The following DENND1B variants were observed in gnomAD, a reference collection of about 807,000 sequenced individuals.
The protein encoded by DENND1B is DENN domain containing 1B.
DENND1B carries 59 observed loss-of-function variants against 90.1 expected under a neutral mutation model. The ratio of observed to expected loss-of-function variants is 0.65; its 90% confidence interval spans 0.53 to 0.81. The LOEUF (loss-of-function observed/expected upper bound fraction) is 0.81. Among genes scored for constraint, DENND1B ranks in the 40% least tolerant of loss-of-function variants. The pLI is 0.00. For synonymous variants in DENND1B, 337 were observed against 324.6 expected, an observed-to-expected ratio of 1.04 and a Z score of -0.41; for missense variants, 862 against 912.6, an observed-to-expected ratio of 0.94 and a Z score of 0.71.
At chr1:197,727,057 T>C (rs1278392178) in intron 2 of DENND1B, among the ~76,000 whole-genome samples, 1 of 152,200 alleles carries the variant, frequency 6.6e-6, no homozygotes, top group Non-Finnish European at 1.5e-5. Context: ...CCTGATCATA[T>C]CCAGAATTTC....
intron 22 of DENND1B, 32 bp downstream of exon 22, chr1:197,511,696 C>T (rs749805429): frequency 6.6e-7 from 1 of 1,521,280 alleles, no homozygotes; most frequent in Non-Finnish European, 8.9e-7. Context: ...ATATTTTCTT[C>T]TAATTTTATA....
chr1:197,632,695 T>A (rs1447884528), intron 10 of DENND1B, among the ~76,000 whole-genome samples: 1 of 152,208 alleles, frequency 6.6e-6, no homozygotes, highest in Non-Finnish European at 1.5e-5. Context: ...TAAAGGCATT[T>A]CTTTCCTTCT....
rs138491764 is a variant in DENND1B, at chr1:197,598,457, A to C, written c.922-3124T>G. 1.9e-3 allele frequency among the ~76,000 whole-genome samples: 286 copies of C among 151,988 alleles called. 1 individual carries two copies. The highest frequency in any genetic ancestry group is 6.6e-3 in the African/African-American group (274 of 41,534). ...TACATCACTGGAGTAAATTATCACC[A>C]GTTACCAATGCCCTTTGCAGTGCTA... On this transcript the variant is annotated intron_variant, in intron 13 of 22. Transcript: ENST00000620048.
intron 20 of DENND1B, among the ~76,000 whole-genome samples, chr1:197,526,788 G>T (rs1025616572): frequency 6.6e-6 from 1 of 152,236 alleles, no homozygotes; most frequent in East Asian, 1.9e-4. Context: ...TTATTGAAAG[G>T]AGCTGGTTTT....
rs1335506753 is a variant in DENND1B, at chr1:197,510,291, T to G, written c.*169A>C. The G allele has an allele frequency of 1.3e-6, 1 of 753,430 alleles. No homozygotes were observed. The highest frequency in any genetic ancestry group is 2.0e-6 in the Non-Finnish European group (1 of 489,730). The allele number at this position is 753,430 out of a possible 1,614,324, so 46.7% of individuals were successfully genotyped here. On this transcript the variant is annotated 3_prime_UTR_variant, in exon 23 of 23. Coordinates refer to ENST00000620048, the MANE Select transcript of DENND1B (RefSeq NM_001195215.2). The stretch of plus-strand genomic sequence containing the variant: ...AAGCACAGTAGAATTCGCTTTATAT[T>G]TAAAAATCAATGCATTTCATATATC...
intron 3 of DENND1B, among the ~76,000 whole-genome samples, chr1:197,675,385 A>C (rs1429085188): frequency 6.6e-6 from 1 of 152,068 alleles, no homozygotes; most frequent in Non-Finnish European, 1.5e-5. Flanking sequence ...CAATACCAAT[A>C]CCTAAGAAAG....
At chr1:197,668,103 C>T (rs1655125147) in intron 5 of DENND1B, among the ~76,000 whole-genome samples, 1 of 152,096 alleles carries the variant, frequency 6.6e-6, no homozygotes, top group African/African-American at 2.4e-5. Context: ...ACACATATAA[C>T]TTGTTCTCTA....
Position 197,704,304 on chromosome 1 carries a change from C to T in DENND1B, c.126+10727G>A, listed in dbSNP as rs1264633017. On this transcript the variant is annotated intron_variant, in intron 3 of 22. Transcript: ENST00000620048. ...TTGTTTTCATGCAATCTCTTTTTTC[C>T]CTCACACTTATACTCTTTTCCATTC... Among the ~76,000 whole-genome samples, 8 of 151,862 alleles carry T rather than the reference C, an allele frequency of 5.3e-5. No individual in the cohort carries two copies. The South Asian group carries it at 1.2e-3, about 24-fold the overall frequency.
chr1:197,510,841 C>T lies in DENND1B; in HGVS notation c.1947G>A (p.Lys649=), dbSNP rs753486102. The T allele has an allele frequency of 1.2e-6, 2 of 1,611,952 alleles. No homozygotes were observed. Among genetic ancestry groups the T allele is most frequent in the East Asian group, 2.2e-5 (1 of 44,806 alleles). ...CTGTCAAACCACTAGAGGAAACCCG[C>T]TTCCTAGGAGATGGAGGGAGGTGTT... ...HGKHLPPSPR[K]RVSSSGLTDS... is the part of the protein sequence containing the mutation. The change falls in exon 23 of 23, where the codon AAG becomes AAA. Residue 649 remains lysine (K), a synonymous_variant. Transcript: ENST00000620048.
chr1:197,580,246 C>G (rs1170376254), intron 15 of DENND1B, among the ~76,000 whole-genome samples: 1 of 146,352 alleles, frequency 6.8e-6, no homozygotes, highest in African/African-American at 2.5e-5. Flanking sequence ...CACCTGCCAC[C>G]ACGCCCAGCT....
chr1:197,748,594 G>A (rs1653031555), intron 2 of DENND1B, among the ~76,000 whole-genome samples: 1 of 152,104 alleles, frequency 6.6e-6, no homozygotes, highest in Admixed American at 6.6e-5. Context: ...GACAAACTAG[G>A]AAAAAGACTC....
At position 197,578,358 on chromosome 1, in the gene DENND1B, C is replaced by T. The variant is rs1673884975; in HGVS notation, c.1149+4794G>A. ...CTCCCAGGTTCAAGCTATTCTCCTGCTTCAGCCTCCAGTGTAGCTGGGATT... is the reference window on the plus strand; with the variant it reads ...CTCCCAGGTTCAAGCTATTCTCCTGTTTCAGCCTCCAGTGTAGCTGGGATT... On this transcript the variant is annotated intron_variant, in intron 15 of 22. Coordinates refer to ENST00000620048, the MANE Select transcript of DENND1B (RefSeq NM_001195215.2). Among the ~76,000 whole-genome samples, 3 of 152,220 alleles carry T rather than the reference C, an allele frequency of 2.0e-5. No homozygotes were observed. In the South Asian group the frequency reaches 6.2e-4, roughly 32 times the overall value.
intron 2 of DENND1B, among the ~76,000 whole-genome samples, chr1:197,751,979 GAAGA>G: frequency 2.3e-5 from 1 of 43,334 alleles, no homozygotes; most frequent in Middle Eastern, 0.014. Flanking sequence ...AGGAGAAGGA[GAAGA>G]AGAAGAAGAA....
chr1:197,681,320 G>A (rs886282008), intron 3 of DENND1B, among the ~76,000 whole-genome samples: 11 of 152,106 alleles, frequency 7.2e-5, no homozygotes, highest in African/African-American at 2.4e-4. Context: ...GTTATCCGAT[G>A]TACATATCTG....
chr1:197,735,538 C>A (rs1213028832), intron 2 of DENND1B: 5 of 1,612,704 alleles, frequency 3.1e-6, no homozygotes, highest in Non-Finnish European at 4.2e-6. Context: ...ATGAAACATT[C>A]CATTTACAAA....
At chr1:197,647,958 A>T (rs1183527079) in intron 7 of DENND1B, among the ~76,000 whole-genome samples, 7 of 152,046 alleles carry the variant, frequency 4.6e-5, no homozygotes. Flanking sequence ...AAAAAAAAAA[A>T]AAAAAAGATA....
intron 18 of DENND1B, among the ~76,000 whole-genome samples, chr1:197,541,497 G>A (rs559652209): frequency 6.6e-6 from 1 of 152,276 alleles, no homozygotes; most frequent in Admixed American, 6.5e-5. Flanking sequence ...TTCATATATA[G>A]TTTTTCTGGT....
chr1:197,703,350 A>G (rs1200796243), intron 3 of DENND1B, among the ~76,000 whole-genome samples: 1 of 152,048 alleles, frequency 6.6e-6, no homozygotes, highest in African/African-American at 2.4e-5. Context: ...AAACACCTCT[A>G]TACTCCTTTT....
In DENND1B at chr1:197,512,876, T is replaced by C. The variant is rs779895157; in HGVS notation, c.1593A>G (p.Ala531=). The change falls in exon 21 of 23, where the codon GCA becomes GCG. Residue 531 remains alanine, a synonymous_variant. Coordinates refer to ENST00000620048, the MANE Select transcript of DENND1B (RefSeq NM_001195215.2). The stretch of plus-strand genomic sequence containing the variant: ...CACCAAAATCCATTACTTACTTGCT[T>C]GCTCTTTCAATGTCATCATCATCTT... ...DDEDDDDIER[A]SKLSSEDGEE... 3 of 1,610,198 alleles carry C rather than the reference T, an allele frequency of 1.9e-6. No individual in the cohort carries two copies. Among genetic ancestry groups the C allele is most frequent in the East Asian group, 4.5e-5 (2 of 44,748 alleles).
Sources: allele counts gnomAD v4.1 joint callset (sites outside exome capture counted in the v4.1 genomes callset), GRCh38; gene constraint gnomAD v4.1.1; transcripts MANE v1.5; gene names NCBI Gene and HGNC (gene_info 2026-07-23, HGNC 2026-07-21).